The following TRANK1 variants were observed in gnomAD, a reference collection of about 807,000 sequenced individuals.
TRANK1 encodes TPR and ankyrin repeat-containing protein 1.
TRANK1 carries 198 observed loss-of-function variants against 266.0 expected under a neutral mutation model. The observed-to-expected ratio is 0.74, with a 90% CI of 0.66 to 0.84. The LOEUF is 0.84. Among genes scored for constraint, TRANK1 ranks in the 40% least tolerant of loss-of-function variants. The pLI is 0.00. For missense variants in TRANK1, 3,326 were observed against 3,634.6 expected, an observed-to-expected ratio of 0.92 and a Z score of 2.18; for synonymous variants, 1,396 against 1,384.1, an observed-to-expected ratio of 1.01 and a Z score of -0.19.
At chr3:36,866,732 C>T (rs995778963) in intron 9 of TRANK1, among the ~76,000 whole-genome samples, 3 of 152,214 alleles carry the variant, frequency 2.0e-5, no homozygotes, top group Non-Finnish European at 4.4e-5. Context: ...AGTCCAAAGA[C>T]ACTCCCTTGA....
chr3:36,828,494 G>A, intron 23 of TRANK1, 119 bp from the exon 24 acceptor site: 8 of 705,144 alleles, frequency 1.1e-5, no homozygotes, highest in South Asian at 5.6e-5. Flanking sequence ...AGGAAGGAAG[G>A]GCAGAATGGT....
intron 18 of TRANK1, 37 bp downstream of exon 18, chr3:36,842,585 A>C (rs1157255523): frequency 1.3e-6 from 2 of 1,576,276 alleles, no homozygotes; most frequent in Non-Finnish European, 1.7e-6. Context: ...TGACGAGGGC[A>C]CCAGTGACAA....
At chr3:36,910,304 G>C (rs942735692) in intron 1 of TRANK1, among the ~76,000 whole-genome samples, 4 of 152,196 alleles carry the variant, frequency 2.6e-5, no homozygotes, top group Non-Finnish European at 5.9e-5. Flanking sequence ...AGAGGAAATA[G>C]AATACATCAT....
chr3:36,871,383 C>T (rs534673636), intron 9 of TRANK1, among the ~76,000 whole-genome samples: 15 of 152,166 alleles, frequency 9.9e-5, no homozygotes, highest in East Asian at 5.8e-4. Context: ...AGTGAAACCC[C>T]GTCTCTTAAA....
chr3:36,944,784 C>T lies in TRANK1; in HGVS notation c.23+3G>A. ...CCCCAGTGCTTCCCGCGCCGCTACG[C>T]ACCTAGCTGCCCGCGGGTCCCACAT... On this transcript the variant is annotated splice_donor_region_variant and intron_variant, in intron 1 of 23. Coordinates refer to ENST00000645898, the MANE Select transcript of TRANK1 (RefSeq NM_001329998.2). The T allele has an allele frequency of 6.7e-7, 1 of 1,495,884 alleles. No individual in the cohort carries two copies. Among genetic ancestry groups the T allele is most frequent in the Non-Finnish European group, 8.9e-7 (1 of 1,129,696 alleles). 92.7% of individuals were successfully genotyped at this position (1,495,884 alleles called of 1,614,324 possible).
chr3:36,887,639 T>C (rs1034494080), intron 8 of TRANK1, among the ~76,000 whole-genome samples: 15 of 152,206 alleles, frequency 9.9e-5, no homozygotes, highest in African/African-American at 3.6e-4. Flanking sequence ...TCATCAGCCA[T>C]CGTTAGCGTT....
At chr3:36,900,478 A>G (rs900213824) in intron 3 of TRANK1, among the ~76,000 whole-genome samples, 5 of 152,198 alleles carry the variant, frequency 3.3e-5, no homozygotes, top group African/African-American at 1.2e-4. Flanking sequence ...AGTTTTGCCT[A>G]TATACAAATA....
chr3:36,909,122 GA>G (rs1351619510), intron 1 of TRANK1, among the ~76,000 whole-genome samples: 2 of 152,146 alleles, frequency 1.3e-5, no homozygotes, highest in African/African-American at 4.8e-5. Context: ...AATAAGCCTT[GA>G]AATATTTGTC....
At position 36,832,971 on chromosome 3, in the gene TRANK1, T is replaced by G. The variant is rs1452935104; in HGVS notation, c.6612A>C (p.Glu2204Asp). 1 of 1,611,514 alleles carries G rather than the reference T, an allele frequency of 6.2e-7. No homozygotes were observed. The highest frequency in any genetic ancestry group is 1.7e-5 in the Admixed American group (1 of 59,712). The change falls in exon 22 of 24, where the codon GAA (glutamate) becomes GAC (aspartate). Residue 2204 changes from glutamate to aspartate, a missense_variant. Coordinates refer to ENST00000645898, the MANE Select transcript of TRANK1 (RefSeq NM_001329998.2). ...GAGGCCTGTGAAAATGTTCACAGTT[T>G]TCATCCTCACATTTTAAGCCTACAA... ...RFIVGLKCED[E>D]NCEHFHRPLR...
rs1349146582 is a variant in TRANK1 at position 36,879,929 on chromosome 3, C to T, written c.908-5633G>A. ...AAACATGCAAATATATGTAAACATG[C>T]AAATATATGTAAACATGCAAATATA... On this transcript the variant is annotated intron_variant, in intron 8 of 23. Transcript: ENST00000645898. 3.0e-3 allele frequency among the ~76,000 whole-genome samples: 64 copies of T among 21,250 alleles called. 5 individuals carry two copies. The highest frequency in any genetic ancestry group is 4.6e-3 in the South Asian group (3 of 658). 13.9% of individuals were successfully genotyped at this position (21,250 alleles called of 152,430 possible).
In TRANK1 at chr3:36,908,422, T is replaced by G; in HGVS notation, c.56A>C (p.Lys19Thr). The G allele has an allele frequency of 1.6e-6, 2 of 1,232,234 alleles. No homozygotes were observed. The highest frequency in any genetic ancestry group is 2.0e-6 in the Non-Finnish European group (2 of 987,998). The allele number at this position is 1,232,234 out of a possible 1,614,324, so 76.3% of individuals were successfully genotyped here. A position where few individuals can be genotyped will look rare whatever the true frequency, so the allele number is the denominator to read the frequency against. The change falls in exon 2 of 24, where the codon AAA (lysine) becomes ACA (threonine). Residue 19 changes from lysine (K) to threonine (T), a missense_variant. Physicochemically the swap from Lys to Thr is moderately conservative, Grantham distance 78. Transcript: ENST00000645898. ...CTTAAGAACCTGGTTGCCGGATTCT[T>G]TCAGCAGCTCAGCGTAAGCTGTCAG... Reference protein sequence around the residue: ...MDLTAYAELLKESGNQVLKNG... With the variant: ...MDLTAYAELLTESGNQVLKNG...
chr3:36,909,823 G>C (rs761287639), intron 1 of TRANK1, among the ~76,000 whole-genome samples: 6 of 152,146 alleles, frequency 3.9e-5, no homozygotes, highest in Non-Finnish European at 5.9e-5. Context: ...TCTTAAGTCA[G>C]AATACTGAAC....
At chr3:36,871,265 G>A (rs185323209) in intron 9 of TRANK1, among the ~76,000 whole-genome samples, 275 of 152,190 alleles carry the variant, frequency 1.8e-3, no homozygotes, top group African/African-American at 6.3e-3. Context: ...GTGCACGCCT[G>A]TAATCCCAGC....
chr3:36,944,706 G>A, intron 1 of TRANK1, 81 bp downstream of exon 1: 2 of 1,470,732 alleles, frequency 1.4e-6, no homozygotes, highest in Non-Finnish European at 1.8e-6. Flanking sequence ...GCCAGTCCCC[G>A]CGCGCGGCCG....
At chr3:36,853,993 T>C (rs889622269) in intron 13 of TRANK1, among the ~76,000 whole-genome samples, 1 of 152,174 alleles carries the variant, frequency 6.6e-6, no homozygotes. Flanking sequence ...AAACTGAACA[T>C]TTCAAATGGG....
chr3:36,842,529 C>T, intron 18 of TRANK1, 93 bp downstream of exon 18: 2 of 1,141,180 alleles, frequency 1.8e-6, no homozygotes, highest in Non-Finnish European at 2.6e-6. Context: ...TACGCTCATC[C>T]TTTCCTGGTG....
intron 11 of TRANK1, among the ~76,000 whole-genome samples, chr3:36,859,329 T>C (rs2079103317): frequency 6.6e-6 from 1 of 151,908 alleles, no homozygotes; most frequent in African/African-American, 2.4e-5. Flanking sequence ...TGCAGGTTTG[T>C]TACATAGGTA....
intron 9 of TRANK1, among the ~76,000 whole-genome samples, chr3:36,865,940 A>AAGAGAG: frequency 6.7e-6 from 1 of 149,078 alleles, no homozygotes; most frequent in Admixed American, 6.7e-5. Context: ...AAAGAAAAAA[A>AAGAGAG]AGAGAGAGAG....
At position 36,857,027 on chromosome 3, in the gene TRANK1, T is replaced by A. The variant is rs183460731; in HGVS notation, c.2695A>T (p.Met899Leu). Residue 899 changes from methionine to leucine, a missense_variant, in exon 13 of 24, where the codon ATG becomes TTG. By Grantham distance (15) the Met-to-Leu change is conservative (BLOSUM62 2). Transcript: ENST00000645898. The surrounding 1 kb of genome is among the most constrained non-coding windows in gnomAD (Gnocchi z 4.3). Reference protein sequence around the residue: ...FEAKLDKGARMLWELAIDFSP... With the variant: ...FEAKLDKGARLLWELAIDFSP... ...AAGTCAATGGCGAGCTCCCAGAGCA[T>A]CCGGGCTCCTTTGTCCAGCTTAGCT... The A allele has an allele frequency of 4.2e-5, 68 of 1,614,038 alleles. No homozygotes were observed. In the East Asian group the frequency reaches 6.7e-4, roughly 16 times the overall value.
Sources: allele counts gnomAD v4.1 joint callset (sites outside exome capture counted in the v4.1 genomes callset), GRCh38; gene constraint gnomAD v4.1.1; non-coding constraint Gnocchi (gnomAD v3.1); transcripts MANE v1.5; gene names NCBI Gene and HGNC (gene_info 2026-07-23, HGNC 2026-07-21).